Variants in KLRG1 observed in about 807,000 individuals in gnomAD.
The protein encoded by KLRG1 is killer cell lectin like receptor G1, also known as killer cell lectin-like receptor subfamily G member 1.
A neutral mutation model predicts 21.8 loss-of-function variants in KLRG1; 16 were observed. The observed-to-expected ratio is 0.73, with a 90% CI of 0.50 to 1.11. KLRG1 has a LOEUF of 1.11. Ranked by LOEUF, KLRG1 falls within the 50% of genes most tolerant of loss-of-function variation. The probability of loss-of-function intolerance (pLI) is 0.00; values close to 1 mark genes in which losing one functional copy is unlikely to be tolerated. For missense variants in KLRG1, 173 were observed against 218.3 expected, an observed-to-expected ratio of 0.79 and a Z score of 1.31; for synonymous variants, 69 against 75.9, an observed-to-expected ratio of 0.91 and a Z score of 0.47.
At chr12:9,079,067 T>C in the KLRG1 span, among the ~76,000 whole-genome samples, 1 of 152,058 alleles carries the variant, frequency 6.6e-6, no homozygotes, top group Non-Finnish European at 1.5e-5. Context: ...ACATAACATG[T>C]ATTTGGATAT....
At chr12:9,202,723 C>T in the KLRG1 span, 1 of 1,577,186 alleles carries the variant, frequency 6.3e-7, no homozygotes, top group Non-Finnish European at 8.7e-7. Flanking sequence ...AGGAACTGTG[C>T]AGTCTTCTCC....
chr12:9,160,636 T>C, the KLRG1 span: 2 of 774,232 alleles, frequency 2.6e-6, no homozygotes, highest in African/African-American at 1.8e-5. Flanking sequence ...AGAATCCTAA[T>C]AAGAATAGCA....
chr12:9,064,139 G>A, the KLRG1 span: 2 of 152,298 alleles, frequency 1.3e-5, no homozygotes, highest in Admixed American at 1.3e-4. This position sits in a 1 kb window ranked among gnomAD's most constrained non-coding sequence, Gnocchi z 4.0. Flanking sequence ...TGTTTGAGGT[G>A]TCACCATGGT....
intron 3 of KLRG1, among the ~76,000 whole-genome samples, chr12:9,002,038 T>C (rs1199294592): frequency 1.3e-5 from 2 of 152,178 alleles, no homozygotes; most frequent in African/African-American, 4.8e-5. Flanking sequence ...ATCATTCCAC[T>C]ATTGCTTAAA....
At chr12:8,984,905 G>A (rs749282609), upstream of KLRG1, among the ~76,000 whole-genome samples, 5 of 151,872 alleles carry the variant, frequency 3.3e-5, no homozygotes, top group Non-Finnish European at 5.9e-5. Flanking sequence ...AAGTTTTATT[G>A]GGGAATAATT....
the KLRG1 span, among the ~76,000 whole-genome samples, chr12:9,142,392 A>G: frequency 2.6e-5 from 4 of 152,218 alleles, no homozygotes; most frequent in Non-Finnish European, 5.9e-5. Context: ...TTTGACACCT[A>G]ATAGTATTTG....
chr12:8,993,585 G>A (rs938671951), intron 2 of KLRG1, among the ~76,000 whole-genome samples: 1 of 152,178 alleles, frequency 6.6e-6, no homozygotes, highest in Non-Finnish European at 1.5e-5. Context: ...ATTGCGCTCT[G>A]CCGATTTATT....
chr12:9,183,734 G>A, the KLRG1 span, among the ~76,000 whole-genome samples: 2 of 152,114 alleles, frequency 1.3e-5, no homozygotes, highest in African/African-American at 2.4e-5. Flanking sequence ...TGAGATTGGT[G>A]GCACTCAATT....
At chr12:9,185,476 G>A in the KLRG1 span, among the ~76,000 whole-genome samples, 1 of 152,178 alleles carries the variant, frequency 6.6e-6, no homozygotes, top group South Asian at 2.1e-4. Flanking sequence ...ATCCTTGAAA[G>A]AGATGAGCAT....
the KLRG1 span, among the ~76,000 whole-genome samples, chr12:9,049,143 T>G: frequency 6.6e-6 from 1 of 152,188 alleles, no homozygotes; most frequent in Non-Finnish European, 1.5e-5. Context: ...CTACTCTAGT[T>G]TCTGGTACTC....
chr12:8,960,188 CA>C (rs1349739434), intron 1 of KLRG1, among the ~76,000 whole-genome samples: 1 of 152,158 alleles, frequency 6.6e-6, no homozygotes, highest in Non-Finnish European at 1.5e-5. Flanking sequence ...AGAGACTATC[CA>C]AGGTGCAGTG....
intron 1 of KLRG1, among the ~76,000 whole-genome samples, chr12:8,953,931 A>C (rs376319411): frequency 6.6e-6 from 1 of 152,106 alleles, no homozygotes; most frequent in Admixed American, 6.6e-5. Flanking sequence ...CTCTGAGGGG[A>C]GGGTGTGTTT....
chr12:9,202,362 CG>C, the KLRG1 span: 1 of 1,613,994 alleles, frequency 6.2e-7, no homozygotes, highest in Non-Finnish European at 8.5e-7. Flanking sequence ...GGAGACAACA[CG>C]GAATCTTACT....
At chr12:8,965,062 A>C (rs1041244534) in intron 1 of KLRG1, among the ~76,000 whole-genome samples, 4 of 152,224 alleles carry the variant, frequency 2.6e-5, no homozygotes, top group African/African-American at 9.7e-5. Flanking sequence ...AATCCAATAT[A>C]TAAACAGAAC....
chr12:9,104,233 A>G, the KLRG1 span: 1 of 1,605,554 alleles, frequency 6.2e-7, no homozygotes, highest in Admixed American at 1.7e-5. Context: ...TTCTTTCCAA[A>G]CTTACCCTAA....
At chr12:9,160,226 A>G in the KLRG1 span, 16 of 1,280,920 alleles carry the variant, frequency 1.2e-5, no homozygotes, top group East Asian at 2.3e-5. Flanking sequence ...AATTATCATC[A>G]TGGGTTAATA....
the KLRG1 span, among the ~76,000 whole-genome samples, chr12:9,083,173 A>G: frequency 6.6e-6 from 1 of 152,124 alleles, no homozygotes; most frequent in Non-Finnish European, 1.5e-5. Flanking sequence ...TCTCACTCAT[A>G]GGTGGGAATT....
intron 1 of KLRG1, among the ~76,000 whole-genome samples, chr12:8,961,244 T>A (rs1247821511): frequency 6.6e-6 from 1 of 152,090 alleles, no homozygotes; most frequent in African/African-American, 2.4e-5. Flanking sequence ...AGCCAGGAGT[T>A]TTGTGTCTTT....
intron 1 of KLRG1, among the ~76,000 whole-genome samples, chr12:8,965,381 A>C (rs1385188819): frequency 4.6e-5 from 7 of 152,192 alleles, no homozygotes; most frequent in Admixed American, 3.3e-4. Flanking sequence ...CAATTAGGAA[A>C]AGAGGAAGTC....
Sources: allele counts gnomAD v4.1 joint callset (sites outside exome capture counted in the v4.1 genomes callset), GRCh38; gene constraint gnomAD v4.1.1; non-coding constraint Gnocchi (gnomAD v3.1); transcripts MANE v1.5; gene names NCBI Gene and HGNC (gene_info 2026-07-23, HGNC 2026-07-21).